Variants in SUPT5H observed in about 807,000 individuals in gnomAD.
SUPT5H encodes transcription elongation factor SPT5.
Under a neutral mutation model 142.5 loss-of-function variants are expected in SUPT5H, and 24 were observed. The ratio of observed to expected loss-of-function variants is 0.17; its 90% CI spans 0.12 to 0.24. The LOEUF is 0.24. Among genes scored for constraint, SUPT5H ranks in the 10% least tolerant of loss-of-function variants. SUPT5H has a pLI of 1.00. For missense variants in SUPT5H, 893 were observed against 1,471.8 expected (o/e 0.61, Z 6.43); for synonymous variants, 546 against 553.0 (o/e 0.99, Z 0.18).
chr19:39,475,050 T>G, intron 28 of SUPT5H: 2 of 377,678 alleles, frequency 5.3e-6, no homozygotes, highest in East Asian at 6.1e-5. Context: ...CCTGGGCACA[T>G]TCCAGGAGCT....
In SUPT5H at chr19:39,473,283, C is replaced by G; in HGVS notation, c.2339C>G (p.Ser780Cys). The G allele has an allele frequency of 6.2e-7, 1 of 1,613,946 alleles. No individual in the cohort carries two copies. ...MYGSQTPMYG[S>C]GSRTPMYGSQ... ...GGCTCCCAGACGCCCATGTATGGCT[C>G]TGGCTCCCGAACACCCATGTACGGC... Residue 780 changes from serine (S) to cysteine (C), a missense_variant, in exon 24 of 30, where the codon TCT (serine) becomes TGT (cysteine). By Grantham distance (112) the Ser-to-Cys change is moderately radical. Coordinates refer to ENST00000432763, the MANE Select transcript of SUPT5H (RefSeq NM_001111020.3). The surrounding 1 kb of genome is among the most constrained non-coding windows in gnomAD (Gnocchi z 5.8).
chr19:39,458,512 T>A lies in SUPT5H; in HGVS notation c.319+207T>A. Reference sequence around the variant, plus strand: ...CTGGGAAAGCACGGATGTGTCTGTCTGGGACTGAGCATTTGTGGGTGGTAG... The same window carrying A: ...CTGGGAAAGCACGGATGTGTCTGTCAGGGACTGAGCATTTGTGGGTGGTAG... On this transcript the variant is annotated intron_variant, in intron 5 of 29. Coordinates refer to ENST00000432763, the MANE Select transcript of SUPT5H (RefSeq NM_001111020.3). This position sits in a 1 kb window ranked among gnomAD's most constrained non-coding sequence, Gnocchi z 4.2. 1.0e-6 allele frequency: 1 copy of A among 980,722 alleles called. No homozygotes were observed. The highest frequency in any genetic ancestry group is 1.5e-6 in the Non-Finnish European group (1 of 659,852). The allele number at this position is 980,722 out of a possible 1,614,324, so 60.8% of individuals were successfully genotyped here. A position where few individuals can be genotyped will look rare whatever the true frequency, so the allele number is the denominator to read the frequency against.
At chr19:39,448,869 G>C (rs1294669847) in intron 2 of SUPT5H, among the ~76,000 whole-genome samples, 2 of 151,732 alleles carry the variant, frequency 1.3e-5, no homozygotes, top group Non-Finnish European at 2.9e-5. Flanking sequence ...GCTGAGGTGG[G>C]TGGATCACGA....
chr19:39,464,685 G>T, intron 10 of SUPT5H, 113 bp from the exon 11 acceptor site: 1 of 1,440,452 alleles, frequency 6.9e-7, no homozygotes, highest in Non-Finnish European at 9.4e-7. Flanking sequence ...CATTGTGCCA[G>T]TGTGTTTCTG....
Position 39,476,546 on chromosome 19 carries a change from C to T in SUPT5H, c.*147C>T. On this transcript the variant is annotated 3_prime_UTR_variant, in exon 30 of 30. Transcript: ENST00000432763. ...TTTCCTTTTAGTTTTCCATCTTTTCCCTCCCTGGTGCTCATTGGAATCTGA... is the reference window on the plus strand; with the variant it reads ...TTTCCTTTTAGTTTTCCATCTTTTCTCTCCCTGGTGCTCATTGGAATCTGA... The T allele has an allele frequency of 9.2e-7, 1 of 1,083,348 alleles. No individual in the cohort carries two copies. 67.1% of individuals were successfully genotyped at this position (1,083,348 alleles called of 1,614,324 possible). A position where few individuals can be genotyped will look rare whatever the true frequency, so the allele number is the denominator to read the frequency against.
At chr19:39,456,357 G>A (rs1229119706) in intron 3 of SUPT5H, among the ~76,000 whole-genome samples, 2 of 151,220 alleles carry the variant, frequency 1.3e-5, no homozygotes, top group Non-Finnish European at 2.9e-5. Flanking sequence ...AGCCTCCTGA[G>A]TAGCTGGGAC....
intron 18 of SUPT5H, 119 bp from the exon 19 acceptor site, chr19:39,471,238 G>C: frequency 8.0e-7 from 1 of 1,246,812 alleles, no homozygotes; most frequent in Non-Finnish European, 1.1e-6. Context: ...GAATTGAGAT[G>C]CCTTGTGGAG....
intron 2 of SUPT5H, among the ~76,000 whole-genome samples, chr19:39,447,357 G>T (rs2078966985): frequency 6.6e-6 from 1 of 152,076 alleles, no homozygotes. Flanking sequence ...GATCACTCTG[G>T]CTTTGGGTCT....
At chr19:39,454,023 A>G (rs1487041269) in intron 3 of SUPT5H, among the ~76,000 whole-genome samples, 4 of 152,226 alleles carry the variant, frequency 2.6e-5, no homozygotes, top group Non-Finnish European at 4.4e-5. Context: ...ATTTTGGTGC[A>G]TATGTTTCTT....
chr19:39,451,162 A>G (rs1185309873), intron 2 of SUPT5H, among the ~76,000 whole-genome samples: 1 of 150,110 alleles, frequency 6.7e-6, no homozygotes, highest in Non-Finnish European at 1.5e-5. Flanking sequence ...AGAATGCTCC[A>G]GTGAACATTT....
chr19:39,474,579 G>T lies in SUPT5H; in HGVS notation c.2885G>T (p.Gly962Val). 6.2e-7 allele frequency: 1 copy of T among 1,614,230 alleles called. No individual in the cohort carries two copies. Among genetic ancestry groups the T allele is most frequent in the Non-Finnish European group, 8.5e-7 (1 of 1,180,048 alleles). ...PMTPGAPSPG[G>V]YNPHTPGSGI... ...ACACCTGGAGCTCCCTCCCCTGGTG[G>T]CTACAACCCACACACGCCAGGCTCA... Residue 962 changes from glycine (G) to valine (V), a missense_variant, in exon 28 of 30, where the codon GGC (glycine) becomes GTC (valine). By Grantham distance (109) the Gly-to-Val change is moderately radical. This residue lies in a region of SUPT5H where 336 missense variants were observed against 546.5 expected (regional missense o/e 0.61). Coordinates refer to ENST00000432763, the MANE Select transcript of SUPT5H (RefSeq NM_001111020.3). This position sits in a 1 kb window ranked among gnomAD's most constrained non-coding sequence, Gnocchi z 6.5.
chr19:39,446,060 C>T (rs1028260907), intron 2 of SUPT5H, 95 bp downstream of exon 2: 1 of 1,333,856 alleles, frequency 7.5e-7, no homozygotes, highest in Admixed American at 2.0e-5. Flanking sequence ...TCACAGCGGG[C>T]TCTGGCTTCT....
In SUPT5H at chr19:39,454,416, C is replaced by T. The variant is rs913338562; in HGVS notation, c.241+895C>T. Reference sequence around the variant, plus strand: ...AGGCTGGAGTGCAGTGGTGCGATGGCTCACTGCAACCTCTCCCTCCTGGGT... The same window carrying T: ...AGGCTGGAGTGCAGTGGTGCGATGGTTCACTGCAACCTCTCCCTCCTGGGT... On this transcript the variant is annotated intron_variant, in intron 3 of 29. Coordinates refer to ENST00000432763, the MANE Select transcript of SUPT5H (RefSeq NM_001111020.3). Among the ~76,000 whole-genome samples the T allele has an allele frequency of 3.4e-5, 5 of 147,350 alleles. No individual in the cohort carries two copies. In the East Asian group the frequency reaches 1.1e-3, roughly 31 times the overall value.
chr19:39,473,945 A>G lies in SUPT5H; in HGVS notation c.2493-18A>G, dbSNP rs2079363070. ...CATTATCACCACAGTCGCTGTCAACAGACTTTTCTCCCAACAGGGCTGAGG... is the reference window on the plus strand; with the variant it reads ...CATTATCACCACAGTCGCTGTCAACGGACTTTTCTCCCAACAGGGCTGAGG... On this transcript the variant is annotated intron_variant, in intron 25 of 29. Transcript: ENST00000432763. The surrounding 1 kb of genome is among the most constrained non-coding windows in gnomAD (Gnocchi z 5.8). 6.2e-7 allele frequency: 1 copy of G among 1,613,654 alleles called. No individual in the cohort carries two copies. The highest frequency in any genetic ancestry group is 1.7e-5 in the Admixed American group (1 of 59,984).
intron 2 of SUPT5H, among the ~76,000 whole-genome samples, chr19:39,449,571 A>G (rs1462418285): frequency 1.3e-5 from 2 of 150,034 alleles, no homozygotes; most frequent in Admixed American, 6.6e-5. Context: ...GAGAATTGTG[A>G]GCATAGAGGA....
Position 39,473,898 on chromosome 19 carries a change from G to T in SUPT5H, c.2493-65G>T. On this transcript the variant is annotated intron_variant, in intron 25 of 29. Coordinates refer to ENST00000432763, the MANE Select transcript of SUPT5H (RefSeq NM_001111020.3). The surrounding 1 kb of genome is among the most constrained non-coding windows in gnomAD (Gnocchi z 5.8). ...TTCAGTTGGGGGTCTGGTGTAGGGT[G>T]CTGTTCTGGAAGCATCCATCGCATT... 2 of 1,605,276 alleles carry T rather than the reference G, an allele frequency of 1.2e-6. No homozygotes were observed. The highest frequency in any genetic ancestry group is 1.7e-6 in the Non-Finnish European group (2 of 1,172,802).
chr19:39,445,586 A>G lies in SUPT5H; in HGVS notation c.-139A>G, dbSNP rs921189076. ...GCGAGAGGACCCGTCAGCCCCAGTCAGGCGTCGTGCGAACAGCAGCTGGTA... is the reference window on the plus strand; with the variant it reads ...GCGAGAGGACCCGTCAGCCCCAGTCGGGCGTCGTGCGAACAGCAGCTGGTA... On this transcript the variant is annotated 5_prime_UTR_variant, in exon 1 of 30. Coordinates refer to ENST00000432763, the MANE Select transcript of SUPT5H (RefSeq NM_001111020.3). 1.8e-5 allele frequency: 7 copies of G among 391,590 alleles called. No homozygotes were observed. Among genetic ancestry groups the G allele is most frequent in the Non-Finnish European group, 2.9e-5 (6 of 206,462 alleles). 24.3% of individuals were successfully genotyped at this position (391,590 alleles called of 1,614,324 possible). A position where few individuals can be genotyped will look rare whatever the true frequency, so the allele number is the denominator to read the frequency against.
intron 10 of SUPT5H, among the ~76,000 whole-genome samples, chr19:39,460,712 CA>C (rs34142494): frequency 6.6e-6 from 1 of 151,432 alleles, no homozygotes; most frequent in East Asian, 1.9e-4. Flanking sequence ...TCCAGTGTGA[CA>C]AAAAAAAGGA....
chr19:39,461,701 A>G (rs1159538945), intron 10 of SUPT5H, among the ~76,000 whole-genome samples: 2 of 150,894 alleles, frequency 1.3e-5, no homozygotes, highest in African/African-American at 2.4e-5. Context: ...GTGCATGTCT[A>G]TAATCCCAGC....
Sources: gnomAD v4.1 joint callset for allele counts (sites outside exome capture counted in the v4.1 genomes callset) on GRCh38, gnomAD v4.1.1 for gene constraint, gnomAD v4.1.1 regional missense constraint, Gnocchi (gnomAD v3.1) non-coding constraint, MANE v1.5 for transcripts, NCBI Gene and HGNC (gene_info 2026-07-23, HGNC 2026-07-21) for gene names.